The following EYA1 variants were observed in gnomAD, a reference collection of about 807,000 sequenced individuals.
The protein encoded by EYA1 is EYA transcriptional coactivator and phosphatase 1.
In EYA1, 16 loss-of-function variants were observed where a neutral mutation model predicts 82.0. That is an observed-to-expected ratio of 0.20 (90% CI 0.13 to 0.30). The LOEUF is 0.30. EYA1 is among the 10% of genes least tolerant of loss of function. The probability of loss-of-function intolerance (pLI) is 1.00; values close to 1 mark genes in which losing one functional copy is unlikely to be tolerated. For synonymous variants in EYA1, 261 were observed against 264.4 expected, an observed-to-expected ratio of 0.99 and a Z score of 0.12; for missense variants, 633 against 730.7, an observed-to-expected ratio of 0.87 and a Z score of 1.54.
At chr8:71,358,771 G>A (rs899831793) in intron 1 of EYA1, among the ~76,000 whole-genome samples, 10 of 152,058 alleles carry the variant, frequency 6.6e-5, no homozygotes, top group African/African-American at 2.4e-4. Flanking sequence ...TTCCTCTCAT[G>A]TTTGATAATA....
At chr8:71,242,773 C>CTTTTTTTTTTT (rs35413533) in intron 12 of EYA1, among the ~76,000 whole-genome samples, 1 of 117,656 alleles carries the variant, frequency 8.5e-6, no homozygotes, top group African/African-American at 3.3e-5. Flanking sequence ...AGTTTTGGCA[C>CTTTTTTTTTTT]TTTTTTTTTT....
chr8:71,501,780 AAAGTCAG>A (rs1200973601), intron 2 of EYA1, among the ~76,000 whole-genome samples: 2 of 152,244 alleles, frequency 1.3e-5, no homozygotes, highest in Non-Finnish European at 2.9e-5. Context: ...CTCCAGCCGG[AAAGTCAG>A]TTTTTCTGGA....
At chr8:71,250,788 A>G (rs1378119330) in intron 11 of EYA1, among the ~76,000 whole-genome samples, 2 of 152,186 alleles carry the variant, frequency 1.3e-5, no homozygotes, top group East Asian at 1.9e-4. Flanking sequence ...ACTCAACACA[A>G]TGCATGTCAT....
intron 16 of EYA1, among the ~76,000 whole-genome samples, chr8:71,212,548 A>C (rs4612370): frequency 0.34 from 52,258 of 151,852 alleles, 9,695 homozygotes; most frequent in East Asian, 0.77. Context: ...TGTGGTAGAC[A>C]AAAAAAATCC....
intron 2 of EYA1, among the ~76,000 whole-genome samples, chr8:71,459,983 T>C (rs936214178): frequency 2.0e-5 from 3 of 152,196 alleles, no homozygotes; most frequent in Non-Finnish European, 4.4e-5. Flanking sequence ...ATTTAAGTAA[T>C]TTTCATCACA....
chr8:71,369,219 A>C (rs940948212), intron 2 of EYA1, among the ~76,000 whole-genome samples: 5 of 151,888 alleles, frequency 3.3e-5, no homozygotes, highest in African/African-American at 2.4e-5. Flanking sequence ...AAAAAAAAAA[A>C]AAAACTTCTT....
intron 1 of EYA1, among the ~76,000 whole-genome samples, chr8:71,544,044 G>A (rs1815357684): frequency 6.6e-6 from 1 of 151,830 alleles, no homozygotes; most frequent in African/African-American, 2.4e-5. Flanking sequence ...AGTCTCAGGG[G>A]CCAAAAAAAG....
chr8:71,368,629 A>C (rs1827896834), intron 2 of EYA1, among the ~76,000 whole-genome samples: 1 of 152,204 alleles, frequency 6.6e-6, no homozygotes, highest in African/African-American at 2.4e-5. Context: ...TTAGATATGC[A>C]GACTTTATGC....
intron 16 of EYA1, among the ~76,000 whole-genome samples, chr8:71,213,599 G>A (rs1251684982): frequency 6.6e-6 from 1 of 152,120 alleles, no homozygotes; most frequent in Non-Finnish European, 1.5e-5. Context: ...CCAACAATTT[G>A]TTCTTGGCCC....
chr8:71,367,171 T>C (rs983640950), intron 2 of EYA1, among the ~76,000 whole-genome samples: 1 of 152,154 alleles, frequency 6.6e-6, no homozygotes, highest in Non-Finnish European at 1.5e-5. Flanking sequence ...CAACTTATTA[T>C]TTATATTAAA....
intron 1 of EYA1, among the ~76,000 whole-genome samples, chr8:71,545,819 C>T (rs1815517848): frequency 1.3e-5 from 2 of 152,100 alleles, no homozygotes; most frequent in Admixed American, 6.5e-5. Flanking sequence ...CTCCACCTCC[C>T]AAAGTGATGG....
At chr8:71,473,045 G>A (rs1000446908) in intron 2 of EYA1, among the ~76,000 whole-genome samples, 1 of 151,706 alleles carries the variant, frequency 6.6e-6, no homozygotes, top group Non-Finnish European at 1.5e-5. Context: ...TCCAAATAAT[G>A]TCCAACTCTA....
In EYA1 at chr8:71,448,009, CT is replaced by C. The variant is rs548078514; in HGVS notation, c.33+87734del. Reference sequence around the variant, plus strand: ...CATGGAATGCAAAGCTGTTTAAGAGCTTTTTTTTTTTTTTTTTCTCGCTCCG... The same window carrying C: ...CATGGAATGCAAAGCTGTTTAAGAGCTTTTTTTTTTTTTTTTCTCGCTCCG... On this transcript the variant is annotated intron_variant, in intron 2 of 18. Transcript: ENST00000643681. Among the ~76,000 whole-genome samples the C allele has an allele frequency of 9.5e-3, 669 of 70,762 alleles. 32 individuals are homozygous for C. The East Asian group carries it at 0.12, about 13-fold the overall frequency. 46.4% of individuals were successfully genotyped at this position (70,762 alleles called of 152,430 possible).
chr8:71,477,437 A>T (rs1190465777), intron 2 of EYA1, among the ~76,000 whole-genome samples: 15 of 152,116 alleles, frequency 9.9e-5, no homozygotes, highest in Non-Finnish European at 1.5e-5. Context: ...TAAAGAAAAT[A>T]CACAAATGGT....
At chr8:71,468,094 A>C (rs1334195875) in intron 2 of EYA1, among the ~76,000 whole-genome samples, 1 of 152,270 alleles carries the variant, frequency 6.6e-6, no homozygotes, top group East Asian at 1.9e-4. Context: ...TACTAAGACC[A>C]CATTTATCTC....
intron 2 of EYA1, among the ~76,000 whole-genome samples, chr8:71,495,893 T>A (rs1811376243): frequency 1.3e-5 from 2 of 152,136 alleles, no homozygotes; most frequent in African/African-American, 4.8e-5. Context: ...AGGGGATCAT[T>A]CCCCAGCAAC....
At chr8:71,435,183 C>T (rs1450939789) in intron 2 of EYA1, among the ~76,000 whole-genome samples, 1 of 152,148 alleles carries the variant, frequency 6.6e-6, no homozygotes, top group Admixed American at 6.5e-5. Flanking sequence ...TCTGGACTCA[C>T]TCCATTTATT....
At chr8:71,402,665 A>T (rs1474951205) in intron 2 of EYA1, among the ~76,000 whole-genome samples, 1 of 152,222 alleles carries the variant, frequency 6.6e-6, no homozygotes, top group Non-Finnish European at 1.5e-5. Flanking sequence ...CAAATTTTGC[A>T]TTGAAGAGTA....
At chr8:71,417,417 T>C (rs991132468) in intron 2 of EYA1, among the ~76,000 whole-genome samples, 1 of 152,182 alleles carries the variant, frequency 6.6e-6, no homozygotes, top group African/African-American at 2.4e-5. Context: ...TTCTAGAAAT[T>C]AGAACATGGA....
Sources: allele counts gnomAD v4.1 joint callset (sites outside exome capture counted in the v4.1 genomes callset), GRCh38; gene constraint gnomAD v4.1.1; transcripts MANE v1.5; gene names NCBI Gene and HGNC (gene_info 2026-07-23, HGNC 2026-07-21).